ZCWPW1: variants seen among roughly 807,000 people sequenced by gnomAD.
ZCWPW1 encodes zinc finger CW-type PWWP domain protein 1.
Under a neutral mutation model 81.3 loss-of-function variants are expected in ZCWPW1, and 56 were observed. That is an observed-to-expected ratio of 0.69 (90% CI 0.56 to 0.86). The LOEUF (loss-of-function observed/expected upper bound fraction) is 0.86. Among genes scored for constraint, ZCWPW1 ranks in the 40% least tolerant of loss-of-function variants. The probability of loss-of-function intolerance (pLI) is 0.00; values close to 1 mark genes in which losing one functional copy is unlikely to be tolerated. For synonymous variants in ZCWPW1, 250 were observed against 273.7 expected (o/e 0.91, Z 0.86); for missense variants, 650 against 769.8 (o/e 0.84, Z 1.84).
Position 100,419,099 on chromosome 7 carries a change from T to C in ZCWPW1, c.361+12A>G, listed in dbSNP as rs1162431306. 1 of 1,611,128 alleles carries C rather than the reference T, an allele frequency of 6.2e-7. No homozygotes were observed. The highest frequency in any genetic ancestry group is 8.5e-7 in the Non-Finnish European group (1 of 1,178,288). On this transcript the variant is annotated intron_variant, in intron 5 of 17. Coordinates refer to ENST00000684423, the MANE Select transcript of ZCWPW1 (RefSeq NM_001386010.1). ...TTAACTGAAACCCTTTTTCTCTTACTACATGCCATACCCAAGCACTCCTGA... is the reference window on the plus strand; with the variant it reads ...TTAACTGAAACCCTTTTTCTCTTACCACATGCCATACCCAAGCACTCCTGA...
At chr7:100,410,276 T>C (rs138270346) in intron 8 of ZCWPW1, among the ~76,000 whole-genome samples, 2 of 152,030 alleles carry the variant, frequency 1.3e-5, no homozygotes, top group African/African-American at 2.4e-5. Context: ...AGTCCACATA[T>C]CCTCAACCTC....
chr7:100,405,286 G>T (rs1792753550), intron 12 of ZCWPW1, among the ~76,000 whole-genome samples, 193 bp from the exon 13 acceptor site: 1 of 152,030 alleles, frequency 6.6e-6, no homozygotes, highest in Non-Finnish European at 1.5e-5. Flanking sequence ...AAATTAGTTG[G>T]ACATGGTGGT....
At chr7:100,422,691 T>C (rs1455840131) in intron 2 of ZCWPW1, among the ~76,000 whole-genome samples, 2 of 152,180 alleles carry the variant, frequency 1.3e-5, no homozygotes, top group African/African-American at 2.4e-5. Flanking sequence ...GTAGTGAGTA[T>C]AGTACCCAAT....
chr7:100,401,151 G>A lies in ZCWPW1; in HGVS notation c.1813C>T (p.Leu605Phe). Residue 605 changes from leucine (L) to phenylalanine (F), a missense_variant, in exon 18 of 18, where the codon CTT (leucine) becomes TTT (phenylalanine). By Grantham distance (22) the Leu-to-Phe change is conservative (BLOSUM62 0). Transcript: ENST00000684423. ...PLTQEAGSVP[L>F]EDEASSDLDL... is the part of the protein sequence containing the mutation. ...AGGTCACTGGAGGCTTCGTCCTCAAGGGGGACACTTCCAGCCTCCTGGGTC... is the reference window on the plus strand; with the variant it reads ...AGGTCACTGGAGGCTTCGTCCTCAAAGGGGACACTTCCAGCCTCCTGGGTC... 1.2e-6 allele frequency: 2 copies of A among 1,614,226 alleles called. No homozygotes were observed. Among genetic ancestry groups the A allele is most frequent in the Non-Finnish European group, 1.7e-6 (2 of 1,180,032 alleles).
chr7:100,416,927 C>T, intron 6 of ZCWPW1, 139 bp downstream of exon 6: 1 of 717,202 alleles, frequency 1.4e-6, no homozygotes, highest in Non-Finnish European at 2.3e-6. Flanking sequence ...GCCTGGGCGA[C>T]AGAGCGAGAC....
intron 8 of ZCWPW1, among the ~76,000 whole-genome samples, chr7:100,413,864 G>A (rs956615133): frequency 2.0e-5 from 3 of 152,086 alleles, no homozygotes; most frequent in Non-Finnish European, 4.4e-5. Flanking sequence ...GATTACAGGT[G>A]TGAGCCACTG....
At chr7:100,419,953 T>C in intron 3 of ZCWPW1, 70 bp from the exon 4 acceptor site, 2 of 1,267,342 alleles carry the variant, frequency 1.6e-6, no homozygotes, top group Non-Finnish European at 2.2e-6. Context: ...ACATTACCCT[T>C]TGACTAGCCA....
At chr7:100,422,116 A>G (rs1046010701) in intron 2 of ZCWPW1, among the ~76,000 whole-genome samples, 1 of 152,216 alleles carries the variant, frequency 6.6e-6, no homozygotes, top group Non-Finnish European at 1.5e-5. Flanking sequence ...CAACAGATCT[A>G]TGAGATTGGT....
At chr7:100,426,537 CAG>C (rs1797383088) in intron 1 of ZCWPW1, among the ~76,000 whole-genome samples, 1 of 151,622 alleles carries the variant, frequency 6.6e-6, no homozygotes, top group Non-Finnish European at 1.5e-5. Flanking sequence ...TTTTTTAAGC[CAG>C]AGTCTGATCT....
chr7:100,420,053 G>A (rs931454192), intron 3 of ZCWPW1, among the ~76,000 whole-genome samples, 170 bp from the exon 4 acceptor site: 3 of 152,188 alleles, frequency 2.0e-5, no homozygotes, highest in Non-Finnish European at 4.4e-5. Flanking sequence ...AGATGCTGAT[G>A]AGGTAGTTAG....
chr7:100,404,891 C>A (rs779461696), intron 13 of ZCWPW1, 122 bp downstream of exon 13: 76 of 923,400 alleles, frequency 8.2e-5, no homozygotes, highest in Non-Finnish European at 1.2e-4. Context: ...ATATCTGAAA[C>A]CTGAAGTGAA....
intron 14 of ZCWPW1, 135 bp from the exon 15 acceptor site, chr7:100,403,920 C>A (rs1792440247): frequency 3.9e-6 from 4 of 1,020,232 alleles, no homozygotes; most frequent in South Asian, 1.4e-5. Flanking sequence ...AAAATGTGAT[C>A]CCAGATTTCC....
intron 2 of ZCWPW1, among the ~76,000 whole-genome samples, chr7:100,421,805 G>C (rs1796405575): frequency 1.3e-5 from 2 of 152,078 alleles, no homozygotes; most frequent in African/African-American, 4.8e-5. Context: ...CGATTCTCCT[G>C]CCTCAGCCTC....
chr7:100,422,025 T>C (rs1796446712), intron 2 of ZCWPW1, among the ~76,000 whole-genome samples: 1 of 152,236 alleles, frequency 6.6e-6, no homozygotes, highest in Admixed American at 6.5e-5. Context: ...CTAATGACAC[T>C]GTGACTAATG....
At chr7:100,402,675 A>G in intron 15 of ZCWPW1, 99 bp from the exon 16 acceptor site, 1 of 1,228,478 alleles carries the variant, frequency 8.1e-7, no homozygotes, top group Non-Finnish European at 1.2e-6. Context: ...GGCTTTGGGG[A>G]ATCAAAGTAG....
chr7:100,415,676 A>G (rs1029611378), intron 8 of ZCWPW1, among the ~76,000 whole-genome samples: 1 of 152,006 alleles, frequency 6.6e-6, no homozygotes, highest in African/African-American at 2.4e-5. Context: ...TTCTTACCAC[A>G]TCTTCTATTA....
chr7:100,417,002 G>GACTGACTGACCATGAATGTGTAGTC (rs1185202467), intron 6 of ZCWPW1, 64 bp downstream of exon 6: 4 of 1,068,148 alleles, frequency 3.7e-6, no homozygotes. Flanking sequence ...CAGATAGATA[G>GACTGACTGACCATGAATGTGTAGTC]ACTGACTGAC....
intron 8 of ZCWPW1, among the ~76,000 whole-genome samples, chr7:100,413,373 C>T (rs1264539966): frequency 1.3e-5 from 2 of 152,178 alleles, no homozygotes; most frequent in Admixed American, 6.5e-5. Flanking sequence ...TGGAACATAC[C>T]ACACTTTACC....
rs556937360 is a variant in ZCWPW1 at position 100,428,415 on chromosome 7, T to A, written c.-137+153A>T. Among the ~76,000 whole-genome samples, 49 of 152,322 alleles carry A rather than the reference T, an allele frequency of 3.2e-4. 1 individual carries two copies. In the South Asian group the frequency reaches 8.5e-3, roughly 26 times the overall value. Reference sequence around the variant, plus strand: ...CCCGGGAAAACTACAAATCCCAGAATCCTCTTTGGTGTCACATATTTTTAG... The same window carrying A: ...CCCGGGAAAACTACAAATCCCAGAAACCTCTTTGGTGTCACATATTTTTAG... On this transcript the variant is annotated intron_variant, in intron 1 of 17. Coordinates refer to ENST00000684423, the MANE Select transcript of ZCWPW1 (RefSeq NM_001386010.1).
Sources: gnomAD v4.1 joint callset for allele counts (sites outside exome capture counted in the v4.1 genomes callset) on GRCh38, gnomAD v4.1.1 for gene constraint, MANE v1.5 for transcripts, NCBI Gene and HGNC (gene_info 2026-07-23, HGNC 2026-07-21) for gene names.